Variants in HS6ST3 observed in about 807,000 individuals in gnomAD.
The protein encoded by HS6ST3 is heparan-sulfate 6-O-sulfotransferase 3.
A neutral mutation model predicts 36.7 loss-of-function variants in HS6ST3; 12 were observed. The ratio of observed to expected loss-of-function variants is 0.33; its 90% CI spans 0.21 to 0.53. The LOEUF (loss-of-function observed/expected upper bound fraction) is 0.53. Among genes scored for constraint, HS6ST3 ranks in the 20% least tolerant of loss-of-function variants. The probability of loss-of-function intolerance (pLI) is 0.95; values close to 1 mark genes in which losing one functional copy is unlikely to be tolerated. For missense variants in HS6ST3, 584 were observed against 640.9 expected, an observed-to-expected ratio of 0.91 and a Z score of 0.96; for synonymous variants, 240 against 257.5, an observed-to-expected ratio of 0.93 and a Z score of 0.65.
At chr13:96,434,465 C>T (rs1209069912) in intron 1 of HS6ST3, among the ~76,000 whole-genome samples, 2 of 152,228 alleles carry the variant, frequency 1.3e-5, no homozygotes, top group Non-Finnish European at 2.9e-5. Flanking sequence ...AAATGGCTCC[C>T]TGCAGGCCCC....
At chr13:96,422,367 A>G (rs2055566471) in intron 1 of HS6ST3, among the ~76,000 whole-genome samples, 1 of 152,238 alleles carries the variant, frequency 6.6e-6, no homozygotes, top group African/African-American at 2.4e-5. Context: ...TGAGTTTTAT[A>G]GCAGCTTCAG....
At chr13:96,098,272 A>C (rs1236472856) in intron 1 of HS6ST3, among the ~76,000 whole-genome samples, 1 of 152,198 alleles carries the variant, frequency 6.6e-6, no homozygotes, top group Non-Finnish European at 1.5e-5. Flanking sequence ...GTGAACTCTG[A>C]TGTAGGATGG....
chr13:96,669,361 C>T (rs1242580519), intron 1 of HS6ST3, among the ~76,000 whole-genome samples: 1 of 152,082 alleles, frequency 6.6e-6, no homozygotes, highest in African/African-American at 2.4e-5. Flanking sequence ...TGGATCCTTC[C>T]TTCTCCCTCC....
chr13:96,526,310 A>C (rs1011213780), intron 1 of HS6ST3, among the ~76,000 whole-genome samples: 7 of 152,212 alleles, frequency 4.6e-5, no homozygotes, highest in Non-Finnish European at 1.0e-4. Context: ...GAAGGATTTC[A>C]AATAAGTGGG....
intron 1 of HS6ST3, among the ~76,000 whole-genome samples, chr13:96,625,352 G>A (rs1566414364): frequency 6.6e-6 from 1 of 152,116 alleles, no homozygotes; most frequent in Admixed American, 6.5e-5. Flanking sequence ...TACCTCACAT[G>A]TGTCCAGAAA....
At chr13:96,420,442 T>C (rs1240064363) in intron 1 of HS6ST3, among the ~76,000 whole-genome samples, 2 of 152,198 alleles carry the variant, frequency 1.3e-5, no homozygotes, top group Non-Finnish European at 2.9e-5. Flanking sequence ...GAATGTACTA[T>C]AACATATCAC....
At chr13:96,709,509 G>A (rs1465893184) in intron 1 of HS6ST3, among the ~76,000 whole-genome samples, 2 of 152,160 alleles carry the variant, frequency 1.3e-5, no homozygotes, top group African/African-American at 4.8e-5. Context: ...GTATTTGGAG[G>A]TGAGGGCTTT....
intron 1 of HS6ST3, among the ~76,000 whole-genome samples, chr13:96,157,812 C>T (rs759591935): frequency 5.3e-5 from 8 of 152,110 alleles, no homozygotes; most frequent in Non-Finnish European, 1.0e-4. Context: ...ATTTCGAATG[C>T]GGATTCTATA....
At chr13:96,504,446 A>G (rs2056017914) in intron 1 of HS6ST3, among the ~76,000 whole-genome samples, 3 of 152,194 alleles carry the variant, frequency 2.0e-5, no homozygotes, top group Admixed American at 1.3e-4. Context: ...ACTGCTTAGC[A>G]ATGAATGTTA....
At chr13:96,174,181 G>A (rs2054201953) in intron 1 of HS6ST3, among the ~76,000 whole-genome samples, 1 of 151,954 alleles carries the variant, frequency 6.6e-6, no homozygotes, top group African/African-American at 2.4e-5. Context: ...ATACAGAATG[G>A]CATTACATAA....
chr13:96,300,366 A>AT (rs2054876224), intron 1 of HS6ST3, among the ~76,000 whole-genome samples: 1 of 151,868 alleles, frequency 6.6e-6, no homozygotes, highest in African/African-American at 2.4e-5. Context: ...CGTGGTACAC[A>AT]TTTTTAAACA....
chr13:96,606,116 C>T (rs2056437837), intron 1 of HS6ST3, among the ~76,000 whole-genome samples: 1 of 152,120 alleles, frequency 6.6e-6, no homozygotes, highest in Non-Finnish European at 1.5e-5. Flanking sequence ...CACTTATACA[C>T]TGTTGGGAAT....
intron 1 of HS6ST3, among the ~76,000 whole-genome samples, chr13:96,097,406 G>A (rs553599397): frequency 6.6e-6 from 1 of 152,162 alleles, no homozygotes; most frequent in East Asian, 1.9e-4. Context: ...AATTGAGACC[G>A]GCAAATCCTA....
At chr13:96,165,088 A>G (rs1401830837) in intron 1 of HS6ST3, among the ~76,000 whole-genome samples, 2 of 152,226 alleles carry the variant, frequency 1.3e-5, no homozygotes, top group Admixed American at 1.3e-4. Context: ...TAACAAAAAA[A>G]TTAACTTTAA....
intron 1 of HS6ST3, among the ~76,000 whole-genome samples, chr13:96,342,084 C>CA (rs558123032): frequency 3.5e-4 from 50 of 144,784 alleles, no homozygotes; most frequent in African/African-American, 5.1e-4. Flanking sequence ...TCCCCCTCCA[C>CA]AAAAAAAAAA....
intron 1 of HS6ST3, among the ~76,000 whole-genome samples, chr13:96,345,795 T>C (rs2055151221): frequency 2.0e-5 from 3 of 152,284 alleles, no homozygotes; most frequent in African/African-American, 7.2e-5. Flanking sequence ...AAAAATTGTC[T>C]TGGGCCACAC....
intron 1 of HS6ST3, among the ~76,000 whole-genome samples, chr13:96,484,431 A>G (rs1055384372): frequency 2.6e-5 from 4 of 152,254 alleles, no homozygotes; most frequent in Admixed American, 2.6e-4. Flanking sequence ...TATATTCACT[A>G]TGCAGTACAT....
intron 1 of HS6ST3, among the ~76,000 whole-genome samples, chr13:96,287,213 C>T (rs988813192): frequency 6.6e-6 from 1 of 152,090 alleles, no homozygotes. Context: ...CTGTTGAATT[C>T]ATAATTAAAA....
intron 1 of HS6ST3, among the ~76,000 whole-genome samples, chr13:96,238,490 T>C (rs1594727133): frequency 6.6e-6 from 1 of 152,238 alleles, no homozygotes; most frequent in East Asian, 1.9e-4. Context: ...TGCCTGTCTG[T>C]CTTTTGCAAA....
Sources: gnomAD v4.1 joint callset for allele counts (sites outside exome capture counted in the v4.1 genomes callset) on GRCh38, gnomAD v4.1.1 for gene constraint, MANE v1.5 for transcripts, NCBI Gene and HGNC (gene_info 2026-07-23, HGNC 2026-07-21) for gene names.